MAST4: variants seen among roughly 807,000 people sequenced by gnomAD.
MAST4 encodes microtubule associated serine/threonine kinase family member 4.
MAST4 carries 89 observed loss-of-function variants against 162.7 expected under a neutral mutation model. The ratio of observed to expected loss-of-function variants is 0.55; its 90% CI spans 0.46 to 0.65. MAST4 has a LOEUF of 0.65. Ranked by LOEUF, MAST4 falls within the 30% of genes least tolerant of loss-of-function variation. The pLI is 0.00. For missense variants in MAST4, 3,153 were observed against 3,374.0 expected (o/e 0.93, Z 1.62); for synonymous variants, 1,479 against 1,361.1 (o/e 1.09, Z -1.91).
chr5:67,090,886 G>A (rs1763795323), intron 6 of MAST4, among the ~76,000 whole-genome samples: 3 of 151,440 alleles, frequency 2.0e-5, no homozygotes, highest in Admixed American at 6.6e-5. Context: ...TGTCTGCTTC[G>A]CCCTGTCAGA....
chr5:67,133,666 AG>A lies in MAST4; in HGVS notation c.2226+21del, dbSNP rs1428955811. The A allele has an allele frequency of 6.2e-7, 1 of 1,611,686 alleles. No individual in the cohort carries two copies. The highest frequency in any genetic ancestry group is 8.5e-7 in the Non-Finnish European group (1 of 1,178,578). On this transcript the variant is annotated intron_variant, in intron 17 of 28. Transcript: ENST00000403625. ...AAACAGGTAAGCTTGGGTGCCATTT[AG>A]TTTATTGAGAAATACAAAGTATGGT...
intron 1 of MAST4, among the ~76,000 whole-genome samples, chr5:66,752,726 G>C (rs1379842467): frequency 1.4e-5 from 2 of 147,380 alleles, no homozygotes; most frequent in Non-Finnish European, 3.0e-5. Context: ...GTCAACATTA[G>C]ACAGATCAAC....
chr5:67,026,137 A>G (rs1754615971), intron 4 of MAST4, among the ~76,000 whole-genome samples: 1 of 152,242 alleles, frequency 6.6e-6, no homozygotes, highest in Non-Finnish European at 1.5e-5. Context: ...AAGTGTTTTA[A>G]TGATCAAGGT....
intron 1 of MAST4, among the ~76,000 whole-genome samples, chr5:66,693,352 G>A (rs1046321123): frequency 6.6e-6 from 1 of 152,136 alleles, no homozygotes; most frequent in Non-Finnish European, 1.5e-5. Flanking sequence ...AAGTTTTATA[G>A]GTACAACAAA....
At chr5:67,125,393 C>T (rs2150969250) in intron 14 of MAST4, among the ~76,000 whole-genome samples, 1 of 152,106 alleles carries the variant, frequency 6.6e-6, no homozygotes. Context: ...CTAATGCTAT[C>T]CCTCCCCTAG....
chr5:66,959,960 C>A (rs1382837211), intron 4 of MAST4, among the ~76,000 whole-genome samples: 1 of 152,108 alleles, frequency 6.6e-6, no homozygotes, highest in Non-Finnish European at 1.5e-5. Flanking sequence ...AGTTAGACAT[C>A]TGTGATGCAG....
intron 1 of MAST4, among the ~76,000 whole-genome samples, chr5:66,730,797 A>G (rs1296963446): frequency 6.6e-6 from 1 of 151,604 alleles, no homozygotes; most frequent in Non-Finnish European, 1.5e-5. Flanking sequence ...TCAATTATGA[A>G]AGAAAATGTT....
intron 1 of MAST4, among the ~76,000 whole-genome samples, chr5:66,745,825 G>A (rs935105815): frequency 3.9e-5 from 6 of 152,154 alleles, no homozygotes; most frequent in Admixed American, 6.5e-5. Flanking sequence ...AACCTTTAGC[G>A]CAATGTCTAG....
At chr5:66,610,984 CAG>C (rs1488142113) in intron 1 of MAST4, among the ~76,000 whole-genome samples, 2 of 152,224 alleles carry the variant, frequency 1.3e-5, no homozygotes, top group Non-Finnish European at 2.9e-5. Context: ...AGTGAAGGCT[CAG>C]AATTTAAGAG....
chr5:66,964,002 G>A (rs766120472), intron 4 of MAST4: 1 of 688,228 alleles, frequency 1.5e-6, no homozygotes, highest in Middle Eastern at 2.4e-4. Flanking sequence ...TGTTCAATGT[G>A]TGTGTATATG....
chr5:66,885,825 A>G (rs1469604754), intron 3 of MAST4, among the ~76,000 whole-genome samples: 3 of 152,212 alleles, frequency 2.0e-5, no homozygotes, highest in Admixed American at 2.0e-4. Context: ...TACGTAGATG[A>G]GTAATTTATA....
At chr5:67,061,219 TC>T (rs988969724) in intron 5 of MAST4, among the ~76,000 whole-genome samples, 6 of 151,928 alleles carry the variant, frequency 3.9e-5, no homozygotes, top group African/African-American at 1.2e-4. Context: ...AAACTTTTGT[TC>T]CCCCCTTATC....
At chr5:67,031,487 C>T (rs566141978) in intron 4 of MAST4, among the ~76,000 whole-genome samples, 1 of 152,088 alleles carries the variant, frequency 6.6e-6, no homozygotes, top group Non-Finnish European at 1.5e-5. Flanking sequence ...CAGTGGTATG[C>T]TCCATTTGCA....
intron 3 of MAST4, among the ~76,000 whole-genome samples, chr5:66,838,891 T>C (rs1255990610): frequency 4.6e-5 from 7 of 152,266 alleles, no homozygotes; most frequent in Admixed American, 2.0e-4. Context: ...AGTCTAGCAA[T>C]AGGAAGCCAT....
intron 1 of MAST4, among the ~76,000 whole-genome samples, chr5:66,656,441 A>G (rs940998627): frequency 2.0e-5 from 3 of 152,198 alleles, no homozygotes; most frequent in Non-Finnish European, 2.9e-5. Context: ...AGTAATTGCA[A>G]TAGCTTCCCT....
intron 3 of MAST4, among the ~76,000 whole-genome samples, chr5:66,897,723 A>C (rs1762775306): frequency 6.6e-6 from 1 of 152,182 alleles, no homozygotes; most frequent in Non-Finnish European, 1.5e-5. Context: ...TCATCTTGGA[A>C]TCTCGGCTGC....
chr5:66,940,493 G>A (rs531560776), intron 4 of MAST4, among the ~76,000 whole-genome samples: 1 of 152,192 alleles, frequency 6.6e-6, no homozygotes, highest in East Asian at 1.9e-4. Context: ...TTTCAACGTT[G>A]TTCATAGCAT....
At chr5:66,736,669 G>A (rs1325011611) in intron 1 of MAST4, among the ~76,000 whole-genome samples, 4 of 152,318 alleles carry the variant, frequency 2.6e-5, no homozygotes, top group Middle Eastern at 6.8e-3. Flanking sequence ...CTGCATTCAG[G>A]TACAGTTAAC....
At chr5:67,102,674 G>A (rs1257198758) in intron 9 of MAST4, 63 bp downstream of exon 9, 1 of 1,360,640 alleles carries the variant, frequency 7.3e-7, no homozygotes, top group Admixed American at 1.7e-5. Context: ...TTTAGAGTCT[G>A]TAAGGTTGTT....
Sources: allele counts gnomAD v4.1 joint callset (sites outside exome capture counted in the v4.1 genomes callset), GRCh38; gene constraint gnomAD v4.1.1; transcripts MANE v1.5; gene names NCBI Gene and HGNC (gene_info 2026-07-23, HGNC 2026-07-21).